HELZ: variants seen among roughly 807,000 people sequenced by gnomAD.
HELZ encodes the protein ATP-dependent RNA helicase with zinc finger domain.
Under a neutral mutation model 218.2 loss-of-function variants are expected in HELZ, and 23 were observed. The ratio of observed to expected loss-of-function variants is 0.11; its 90% CI spans 0.08 to 0.15. The LOEUF is 0.15. HELZ is among the 10% of genes least tolerant of loss of function. HELZ has a pLI of 1.00. For synonymous variants in HELZ, 814 were observed against 829.4 expected (o/e 0.98, Z 0.32); for missense variants, 1,813 against 2,353.7 (o/e 0.77, Z 4.75).
intron 21 of HELZ, 42 bp downstream of exon 21, chr17:67,145,701 G>C: frequency 6.6e-7 from 1 of 1,515,926 alleles, no homozygotes; most frequent in East Asian, 2.3e-5. Context: ...TAGACGATGT[G>C]ACTGAGAAAA....
At chr17:67,221,883 G>A (rs1156637553) in intron 3 of HELZ, among the ~76,000 whole-genome samples, 1 of 150,322 alleles carries the variant, frequency 6.7e-6, no homozygotes, top group Non-Finnish European at 1.5e-5. Context: ...TCGCTGCGCA[G>A]CCCATGCTGG....
rs551566138 is a variant in HELZ at position 67,234,043 on chromosome 17, C to CAA, written c.-19+5388_-19+5389dup. On this transcript the variant is annotated intron_variant, in intron 3 of 32. Coordinates refer to ENST00000358691, the MANE Select transcript of HELZ (RefSeq NM_014877.4). ...CCTGGGCGACAGACAGACTCCATCTCAAAAAAAAAAAAAAAAAGAGAGAGA... is the reference window on the plus strand; with the variant it reads ...CCTGGGCGACAGACAGACTCCATCTCAAAAAAAAAAAAAAAAAAAGAGAGAGA... Among the ~76,000 whole-genome samples, 97 of 98,632 alleles carry CAA rather than the reference C, an allele frequency of 9.8e-4. 1 individual carries two copies. Among genetic ancestry groups the CAA allele is most frequent in the Non-Finnish European group, 1.2e-3 (63 of 50,848 alleles). The allele number at this position is 98,632 out of a possible 152,430, so 64.7% of individuals were successfully genotyped here.
At chr17:67,244,633 GA>G (rs2041421576) in intron 1 of HELZ, 1 of 953,262 alleles carries the variant, frequency 1.0e-6, no homozygotes, top group African/African-American at 1.8e-5. Flanking sequence ...CTCCGCGGGG[GA>G]GGGAGGGGGC....
chr17:67,205,587 T>C (rs2040275749), intron 5 of HELZ, among the ~76,000 whole-genome samples: 1 of 152,242 alleles, frequency 6.6e-6, no homozygotes, highest in African/African-American at 2.4e-5. Flanking sequence ...AGTTCATTTT[T>C]AGTAACTGGG....
chr17:67,120,225 C>CGATCTCCT (rs1205291620), intron 27 of HELZ, among the ~76,000 whole-genome samples, 180 bp downstream of exon 27: 2 of 151,644 alleles, frequency 1.3e-5, no homozygotes, highest in Non-Finnish European at 2.9e-5. Context: ...AGGATGGTCT[C>CGATCTCCT]GATCTCCTGA....
chr17:67,177,110 T>C (rs1414520757), intron 13 of HELZ, among the ~76,000 whole-genome samples: 1 of 151,290 alleles, frequency 6.6e-6, no homozygotes, highest in African/African-American at 2.4e-5. Context: ...CTGACCCACA[T>C]CATGCCTGAT....
At chr17:67,114,460 A>G in intron 27 of HELZ, 57 bp from the exon 28 acceptor site, 1 of 970,188 alleles carries the variant, frequency 1.0e-6, no homozygotes, top group South Asian at 1.3e-5. Context: ...GACACTTCCA[A>G]TGCTTATCCA....
chr17:67,194,739 C>CTTATA (rs2039980371), intron 8 of HELZ, among the ~76,000 whole-genome samples: 1 of 152,124 alleles, frequency 6.6e-6, no homozygotes, highest in Admixed American at 6.5e-5. Context: ...TTTCAAGGAA[C>CTTATA]TTATAGCCAT....
intron 27 of HELZ, among the ~76,000 whole-genome samples, chr17:67,117,127 T>A (rs2037451767): frequency 6.6e-6 from 1 of 152,188 alleles, no homozygotes; most frequent in Non-Finnish European, 1.5e-5. Flanking sequence ...AGGGCTGGGA[T>A]TACAGGCATG....
intron 15 of HELZ, among the ~76,000 whole-genome samples, chr17:67,163,404 C>CTTTT (rs5821487): frequency 1 from 151,798 of 151,956 alleles, 75,820 homozygotes; most frequent in Middle Eastern, 1. Flanking sequence ...AACTTAGTAT[C>CTTTT]TTTTTCTTTT....
chr17:67,116,185 G>A (rs982812149), intron 27 of HELZ, among the ~76,000 whole-genome samples: 28 of 151,518 alleles, frequency 1.8e-4, no homozygotes, highest in Non-Finnish European at 3.8e-4. Flanking sequence ...TCACTGATAA[G>A]CCAATGGAGA....
intron 32 of HELZ, among the ~76,000 whole-genome samples, 198 bp downstream of exon 32, chr17:67,086,631 A>AATATAAATATATATATATATATATAT (rs914625902): frequency 2.1e-5 from 2 of 93,294 alleles, no homozygotes; most frequent in African/African-American, 9.6e-5. Context: ...TATAAATATA[A>AATATAAATATATATATATATATATAT]ATATATATAT....
At position 67,075,475 on chromosome 17, in the gene HELZ, C is replaced by T. The variant is rs2035992824; in HGVS notation, c.*2777G>A. 6.6e-6 allele frequency: 1 copy of T among 151,950 alleles called. No individual in the cohort carries two copies. The highest frequency in any genetic ancestry group is 6.6e-5 in the Admixed American group (1 of 15,256). 9.4% of individuals were successfully genotyped at this position (151,950 alleles called of 1,614,324 possible). On this transcript the variant is annotated 3_prime_UTR_variant, in exon 33 of 33. Coordinates refer to ENST00000358691, the MANE Select transcript of HELZ (RefSeq NM_014877.4). ...TATATATGCATATATAAGGGTTGAA[C>T]CTAGCATATAAGTTATGTTTCATAA...
At chr17:67,202,731 A>G (rs1032779755) in intron 6 of HELZ, among the ~76,000 whole-genome samples, 1 of 152,240 alleles carries the variant, frequency 6.6e-6, no homozygotes, top group Non-Finnish European at 1.5e-5. Flanking sequence ...CTGTTAAATC[A>G]TATCTTCAAA....
At chr17:67,142,871 C>A (rs916614047) in intron 21 of HELZ, among the ~76,000 whole-genome samples, 3 of 152,172 alleles carry the variant, frequency 2.0e-5, no homozygotes, top group African/African-American at 7.2e-5. Flanking sequence ...ATCCTCCCAC[C>A]TCAGCCTCCT....
intron 1 of HELZ, chr17:67,244,936 G>T (rs1190845165): frequency 1.7e-5 from 17 of 986,052 alleles, no homozygotes; most frequent in Non-Finnish European, 2.0e-5. Context: ...CTAAGTAGGG[G>T]AAGAAGCTGT....
chr17:67,119,876 G>C (rs1357857803), intron 27 of HELZ: 5 of 377,012 alleles, frequency 1.3e-5, no homozygotes, highest in Non-Finnish European at 2.5e-5. Context: ...AATCATAAGT[G>C]GTAGGATTTA....
At chr17:67,118,638 C>T (rs2037499395) in intron 27 of HELZ, among the ~76,000 whole-genome samples, 1 of 144,028 alleles carries the variant, frequency 6.9e-6, no homozygotes, top group Non-Finnish European at 1.5e-5. Context: ...ATTGCTTGAG[C>T]CCAGGAGTTC....
At chr17:67,169,465 A>G (rs1247447222) in intron 13 of HELZ, among the ~76,000 whole-genome samples, 3 of 152,192 alleles carry the variant, frequency 2.0e-5, no homozygotes, top group African/African-American at 7.2e-5. Context: ...CTCTTCTAAC[A>G]GCCCACTCTC....
Sources: gnomAD v4.1 joint callset for allele counts (sites outside exome capture counted in the v4.1 genomes callset) on GRCh38, gnomAD v4.1.1 for gene constraint, MANE v1.5 for transcripts, NCBI Gene and HGNC (gene_info 2026-07-23, HGNC 2026-07-21) for gene names.